The following PHF20 variants were observed in gnomAD, a reference collection of about 807,000 sequenced individuals.
PHF20 encodes the protein PHD finger protein 20.
Under a neutral mutation model 113.5 loss-of-function variants are expected in PHF20, and 23 were observed. The observed-to-expected ratio is 0.20, with a 90% CI of 0.15 to 0.29. PHF20 has a LOEUF of 0.29. PHF20 is among the 10% of genes least tolerant of loss of function. The pLI, the probability that PHF20 is intolerant of heterozygous loss-of-function variation, is 1.00. For missense variants in PHF20, 943 were observed against 1,219.6 expected (o/e 0.77, Z 3.38); for synonymous variants, 434 against 457.3 (o/e 0.95, Z 0.65).
intron 2 of PHF20, among the ~76,000 whole-genome samples, chr20:35,835,180 C>A (rs994309795): frequency 6.6e-6 from 1 of 151,954 alleles, no homozygotes; most frequent in African/African-American, 2.4e-5. Context: ...GAGGCTGAGG[C>A]AGGAGAATCG....
chr20:35,787,319 A>G (rs1337041089), intron 1 of PHF20, among the ~76,000 whole-genome samples: 2 of 151,860 alleles, frequency 1.3e-5, no homozygotes, highest in East Asian at 3.9e-4. Context: ...AGCTGGGATT[A>G]CAGGGATGCA....
intron 1 of PHF20, chr20:35,782,531 C>T (rs767663783): frequency 2.6e-5 from 4 of 152,212 alleles, no homozygotes; most frequent in Non-Finnish European, 4.4e-5. Context: ...GTGATCCACT[C>T]TCCTCGGCCT....
chr20:35,905,056 C>G (rs901654925), intron 10 of PHF20, among the ~76,000 whole-genome samples: 11 of 152,008 alleles, frequency 7.2e-5, no homozygotes, highest in African/African-American at 2.7e-4. Context: ...AACTCCCGAC[C>G]TCAGATGATC....
At chr20:35,824,423 A>G (rs2042227252) in intron 2 of PHF20, among the ~76,000 whole-genome samples, 1 of 152,066 alleles carries the variant, frequency 6.6e-6, no homozygotes, top group Non-Finnish European at 1.5e-5. Flanking sequence ...CCTGGCCAAC[A>G]TGGTGAAACC....
At chr20:35,781,361 TC>T (rs1303435404) in intron 1 of PHF20, among the ~76,000 whole-genome samples, 1 of 151,756 alleles carries the variant, frequency 6.6e-6, no homozygotes, top group Non-Finnish European at 1.5e-5. Context: ...CAGGTTGGTC[TC>T]CGCCCGCCTC....
At chr20:35,930,495 C>CA (rs1017932539) in intron 14 of PHF20, among the ~76,000 whole-genome samples, 76 of 149,786 alleles carry the variant, frequency 5.1e-4, no homozygotes, top group Admixed American at 1.8e-3. Flanking sequence ...AAAACCCCAT[C>CA]AAAAAAAAAT....
rs2055967122 is a variant in PHF20, at chr20:35,940,986, T to C, written c.2835T>C (p.His945=). The change falls in exon 17 of 18, where the codon CAT becomes CAC. Residue 945 remains histidine, a synonymous_variant. Transcript: ENST00000374012. ...AGTGGCAGTTTAACCTGCTGACCCA[T>C]GTGGAATCTCTTCAGGATGAAGTTA... ...QHQWQFNLLT[H]VESLQDEVTH... is the part of the protein sequence containing the mutation. 5 of 1,614,002 alleles carry C rather than the reference T, an allele frequency of 3.1e-6. No homozygotes were observed. The highest frequency in any genetic ancestry group is 1.7e-5 in the Admixed American group (1 of 59,996).
At chr20:35,783,594 T>TA (rs1467110426) in intron 1 of PHF20, among the ~76,000 whole-genome samples, 52 of 151,982 alleles carry the variant, frequency 3.4e-4, no homozygotes, top group African/African-American at 1.2e-3. Context: ...TTTTTTTTTT[T>TA]TTTTTATTAT....
intron 9 of PHF20, among the ~76,000 whole-genome samples, chr20:35,881,402 A>G (rs1246488530): frequency 1.3e-5 from 2 of 151,464 alleles, no homozygotes; most frequent in Non-Finnish European, 2.9e-5. Flanking sequence ...TTAGCTGGGC[A>G]TGGTGGTGTG....
intron 2 of PHF20, among the ~76,000 whole-genome samples, chr20:35,813,703 C>A (rs903965367): frequency 2.2e-4 from 33 of 152,038 alleles, no homozygotes; most frequent in African/African-American, 6.5e-4. Flanking sequence ...ACGAAAAATA[C>A]AAAAATTAGC....
At chr20:35,851,040 C>T (rs997120056) in intron 4 of PHF20, 25 of 351,310 alleles carry the variant, frequency 7.1e-5, no homozygotes, top group African/African-American at 3.0e-4. Context: ...ATGATCCACC[C>T]GCCTCAGCCT....
rs566960589 is a variant in PHF20, at chr20:35,889,009, CTT to C, written c.1283-10337_1283-10336del. On this transcript the variant is annotated intron_variant, in intron 9 of 17. Transcript: ENST00000374012. ...TGACAACCAGTGGCCCTCTTAGTTTCTTTTTTTTTTTTTTTTTTTTTTTTTGA... is the reference window on the plus strand; with the variant it reads ...TGACAACCAGTGGCCCTCTTAGTTTCTTTTTTTTTTTTTTTTTTTTTTTGA... 3.0e-3 allele frequency among the ~76,000 whole-genome samples: 294 copies of C among 99,168 alleles called. 1 individual carries two copies. The East Asian group carries it at 0.035, about 12-fold the overall frequency. 65.1% of individuals were successfully genotyped at this position (99,168 alleles called of 152,430 possible). A position where few individuals can be genotyped will look rare whatever the true frequency, so the allele number is the denominator to read the frequency against.
At chr20:35,790,883 G>A (rs1049296432) in intron 1 of PHF20, among the ~76,000 whole-genome samples, 1 of 152,108 alleles carries the variant, frequency 6.6e-6, no homozygotes, top group African/African-American at 2.4e-5. Context: ...TTTTGAGACA[G>A]AGCCTTGCTC....
chr20:35,926,230 A>ATTTTTTTTTTTTTT (rs1186510585), intron 13 of PHF20, among the ~76,000 whole-genome samples: 1 of 52,968 alleles, frequency 1.9e-5, no homozygotes. Context: ...ACAGACTTTC[A>ATTTTTTTTTTTTTT]TTTTTTTTTT....
intron 9 of PHF20, among the ~76,000 whole-genome samples, chr20:35,886,862 G>A (rs2054742970): frequency 1.3e-5 from 2 of 152,188 alleles, no homozygotes. Flanking sequence ...GGCCAAGCAG[G>A]GGTGTGAACT....
chr20:35,795,925 A>G (rs927007964), intron 1 of PHF20, among the ~76,000 whole-genome samples: 5 of 152,064 alleles, frequency 3.3e-5, no homozygotes, highest in African/African-American at 4.8e-5. Flanking sequence ...ATCTCAGCTC[A>G]CTGCAACCTC....
At chr20:35,913,709 C>A (rs775719293) in intron 11 of PHF20, among the ~76,000 whole-genome samples, 11 of 152,160 alleles carry the variant, frequency 7.2e-5, no homozygotes, top group Non-Finnish European at 1.5e-4. Context: ...GAAAGGATTC[C>A]CTTCTTAAAA....
At chr20:35,874,390 T>A (rs2054480370) in intron 9 of PHF20, among the ~76,000 whole-genome samples, 1 of 152,374 alleles carries the variant, frequency 6.6e-6, no homozygotes, top group Admixed American at 6.5e-5. Flanking sequence ...TCCAATGTTC[T>A]TTATTTCTTC....
At chr20:35,828,983 A>AT (rs1185606641) in intron 2 of PHF20, among the ~76,000 whole-genome samples, 1 of 152,142 alleles carries the variant, frequency 6.6e-6, no homozygotes, top group African/African-American at 2.4e-5. Context: ...GAGCGGCGTA[A>AT]TGGGGGGTTG....
Sources: allele counts gnomAD v4.1 joint callset (sites outside exome capture counted in the v4.1 genomes callset), GRCh38; gene constraint gnomAD v4.1.1; transcripts MANE v1.5; gene names NCBI Gene and HGNC (gene_info 2026-07-23, HGNC 2026-07-21).